The following ADGRL3 variants were observed in gnomAD, a reference collection of about 807,000 sequenced individuals.
ADGRL3 encodes adhesion G protein-coupled receptor L3.
A neutral mutation model predicts 153.5 loss-of-function variants in ADGRL3; 62 were observed. The ratio of observed to expected loss-of-function variants is 0.40; its 90% CI spans 0.33 to 0.50. ADGRL3 has a LOEUF of 0.50. ADGRL3 is among the 20% of genes least tolerant of loss of function. The pLI is 0.47. For synonymous variants in ADGRL3, 710 were observed against 672.5 expected, an observed-to-expected ratio of 1.06 and a Z score of -0.86; for missense variants, 1,641 against 1,859.4, an observed-to-expected ratio of 0.88 and a Z score of 2.16.
At chr4:61,503,545 G>A (rs2098406448) in intron 3 of ADGRL3, among the ~76,000 whole-genome samples, 1 of 151,198 alleles carries the variant, frequency 6.6e-6, no homozygotes, top group Non-Finnish European at 1.5e-5. Flanking sequence ...TTTATAAATG[G>A]GTCATTTTTC....
chr4:61,321,116 C>T (rs2095346355), intron 1 of ADGRL3, among the ~76,000 whole-genome samples: 1 of 152,168 alleles, frequency 6.6e-6, no homozygotes, highest in African/African-American at 2.4e-5. Context: ...CAAAGGTTAG[C>T]AAATTAGCAA....
intron 9 of ADGRL3, among the ~76,000 whole-genome samples, chr4:61,826,174 A>T (rs2097798658): frequency 6.6e-6 from 1 of 152,192 alleles, no homozygotes; most frequent in African/African-American, 2.4e-5. Context: ...TTATTATTAT[A>T]GCCATAAAAG....
chr4:61,610,773 C>T (rs2091231867), intron 5 of ADGRL3, among the ~76,000 whole-genome samples: 1 of 140,270 alleles, frequency 7.1e-6, no homozygotes, highest in Non-Finnish European at 1.5e-5. Context: ...CAGAACCTTA[C>T]ATTAATGCAT....
At chr4:61,812,156 T>A (rs944685524) in intron 8 of ADGRL3, among the ~76,000 whole-genome samples, 5 of 152,224 alleles carry the variant, frequency 3.3e-5, no homozygotes, top group Admixed American at 6.5e-5. Flanking sequence ...CAATAAACTG[T>A]ATTGAACATG....
At chr4:61,463,817 C>G (rs1228143402) in intron 2 of ADGRL3, among the ~76,000 whole-genome samples, 3 of 152,108 alleles carry the variant, frequency 2.0e-5, no homozygotes, top group Non-Finnish European at 4.4e-5. Flanking sequence ...TGAAATTAAA[C>G]AAAAGTTGTA....
chr4:61,957,813 CT>C, intron 17 of ADGRL3, among the ~76,000 whole-genome samples: 1 of 151,750 alleles, frequency 6.6e-6, no homozygotes, highest in East Asian at 1.9e-4. Context: ...AATGTTGAAC[CT>C]TTTAGTGAGT....
rs184333262 is a variant in ADGRL3, at chr4:61,861,408, G to A, written c.1481-31248G>A. 1.6e-4 allele frequency among the ~76,000 whole-genome samples: 24 copies of A among 152,006 alleles called. No homozygotes were observed. The East Asian group carries it at 4.3e-3, about 27-fold the overall frequency. ...AGGGTTCTGAAAGACTGGGTTGGAG[G>A]GTTGCATTGAATCAAGGAATTAATG... On this transcript the variant is annotated intron_variant, in intron 9 of 26. Coordinates refer to ENST00000683033, the MANE Select transcript of ADGRL3 (RefSeq NM_001387552.1).
chr4:61,725,613 A>C (rs957345782), intron 6 of ADGRL3, among the ~76,000 whole-genome samples: 5 of 151,430 alleles, frequency 3.3e-5, no homozygotes, highest in African/African-American at 1.2e-4. Flanking sequence ...AAAACCAAAA[A>C]AAAACAAAAA....
intron 9 of ADGRL3, 70 bp downstream of exon 9, chr4:61,813,959 A>AT: frequency 6.4e-7 from 1 of 1,574,314 alleles, no homozygotes. Flanking sequence ...ATGGTTGTAC[A>AT]TATGTATTTT....
At chr4:61,513,139 C>T (rs1440270055) in intron 3 of ADGRL3, among the ~76,000 whole-genome samples, 1 of 152,066 alleles carries the variant, frequency 6.6e-6, no homozygotes, top group Non-Finnish European at 1.5e-5. Context: ...TCCCAGCTCA[C>T]TGTTATGATT....
intron 4 of ADGRL3, among the ~76,000 whole-genome samples, chr4:61,577,859 A>G (rs2098898895): frequency 6.6e-6 from 1 of 151,856 alleles, no homozygotes; most frequent in Non-Finnish European, 1.5e-5. Flanking sequence ...TTGACAATGA[A>G]TGTCACATTT....
chr4:61,749,786 C>T (rs944966894), intron 8 of ADGRL3, among the ~76,000 whole-genome samples: 1 of 151,738 alleles, frequency 6.6e-6, no homozygotes, highest in African/African-American at 2.4e-5. Context: ...GTGCAGTACA[C>T]CAGCATGGCA....
intron 3 of ADGRL3, among the ~76,000 whole-genome samples, chr4:61,503,238 C>T (rs964157968): frequency 6.6e-6 from 1 of 151,780 alleles, no homozygotes; most frequent in African/African-American, 2.4e-5. Flanking sequence ...TTTGTACTTG[C>T]AAAAGGTGTT....
intron 1 of ADGRL3, among the ~76,000 whole-genome samples, chr4:61,307,952 C>T (rs78273916): frequency 0.092 from 14,055 of 152,168 alleles, 857 homozygotes; most frequent in South Asian, 0.14. Context: ...ATTTTAAAAA[C>T]GCTAGTTGCC....
intron 8 of ADGRL3, among the ~76,000 whole-genome samples, chr4:61,799,038 T>TATATATATAC (rs1411460409): frequency 1.4e-4 from 16 of 115,706 alleles, no homozygotes; most frequent in African/African-American, 3.1e-4. Context: ...TATATATATA[T>TATATATATAC]ACCATATATT....
At chr4:61,906,781 T>G (rs1165326477) in intron 11 of ADGRL3, among the ~76,000 whole-genome samples, 1 of 152,056 alleles carries the variant, frequency 6.6e-6, no homozygotes, top group Non-Finnish European at 1.5e-5. Context: ...TGTAAATAAT[T>G]TAGGTGTTCT....
At chr4:61,926,690 T>C (rs2150047445) in intron 13 of ADGRL3, among the ~76,000 whole-genome samples, 1 of 152,302 alleles carries the variant, frequency 6.6e-6, no homozygotes, top group South Asian at 2.1e-4. Context: ...AGCATTCATA[T>C]CAAGGTCTGG....
At chr4:61,558,125 T>C (rs926430420) in intron 4 of ADGRL3, among the ~76,000 whole-genome samples, 14 of 144,254 alleles carry the variant, frequency 9.7e-5, no homozygotes, top group Non-Finnish European at 2.1e-4. Context: ...TATATATATG[T>C]AGGAATCATA....
At chr4:61,442,821 A>T (rs1369120272) in intron 2 of ADGRL3, among the ~76,000 whole-genome samples, 4 of 152,146 alleles carry the variant, frequency 2.6e-5, no homozygotes, top group Non-Finnish European at 5.9e-5. Flanking sequence ...TATACTTTAA[A>T]AACCCCAGTA....
Sources: allele counts gnomAD v4.1 joint callset (sites outside exome capture counted in the v4.1 genomes callset), GRCh38; gene constraint gnomAD v4.1.1; transcripts MANE v1.5; gene names NCBI Gene and HGNC (gene_info 2026-07-23, HGNC 2026-07-21).